Variants in B3GAT2 observed in about 807,000 individuals in gnomAD.
B3GAT2 encodes beta-1,3-glucuronyltransferase 2.
A neutral mutation model predicts 27.8 loss-of-function variants in B3GAT2; 26 were observed. The observed-to-expected ratio is 0.93, with a 90% CI of 0.68 to 1.30. B3GAT2 has a LOEUF of 1.30. Among genes scored for constraint, B3GAT2 ranks in the 50% most tolerant of loss-of-function variants. The probability of loss-of-function intolerance (pLI) is 0.00; values close to 1 mark genes in which losing one functional copy is unlikely to be tolerated. For missense variants in B3GAT2, 458 were observed against 459.0 expected (o/e 1.00, Z 0.02); for synonymous variants, 218 against 195.1 (o/e 1.12, Z -0.98).
intron 1 of B3GAT2, among the ~76,000 whole-genome samples, chr6:70,901,234 G>A (rs1193791835): frequency 2.6e-5 from 4 of 152,122 alleles, no homozygotes; most frequent in Non-Finnish European, 5.9e-5. Flanking sequence ...CATCCATCTT[G>A]GCTAGATGAT....
chr6:70,949,403 C>T (rs963097261), intron 1 of B3GAT2, among the ~76,000 whole-genome samples: 8 of 152,292 alleles, frequency 5.3e-5, no homozygotes, highest in African/African-American at 1.9e-4. Context: ...AGGACATGAA[C>T]AGACACTTCT....
intron 1 of B3GAT2, among the ~76,000 whole-genome samples, chr6:70,909,890 T>C (rs915464457): frequency 1.3e-5 from 2 of 152,180 alleles, no homozygotes; most frequent in African/African-American, 4.8e-5. Context: ...TCTTTTGTTT[T>C]TGAGACGGAG....
intron 1 of B3GAT2, among the ~76,000 whole-genome samples, chr6:70,937,804 T>A (rs946014754): frequency 6.6e-6 from 1 of 152,138 alleles, no homozygotes; most frequent in Non-Finnish European, 1.5e-5. Context: ...TCATACTGAA[T>A]GGGCAAAAAC....
chr6:70,870,546 A>C (rs1308548055), intron 2 of B3GAT2, among the ~76,000 whole-genome samples: 3 of 152,000 alleles, frequency 2.0e-5, no homozygotes, highest in Non-Finnish European at 4.4e-5. Context: ...TATAATAATA[A>C]TAAAAAAAAG....
intron 1 of B3GAT2, among the ~76,000 whole-genome samples, chr6:70,904,537 C>A (rs1273592954): frequency 6.6e-6 from 1 of 152,136 alleles, no homozygotes; most frequent in Admixed American, 6.5e-5. Flanking sequence ...TCAGGTCTGA[C>A]ACACGTCCAG....
chr6:70,891,748 TTG>T (rs147352529), intron 2 of B3GAT2, among the ~76,000 whole-genome samples: 30,513 of 144,164 alleles, frequency 0.21, 3,228 homozygotes, highest in Non-Finnish European at 0.24. Context: ...AGAGCTCAGA[TTG>T]TGTGTGTGTG....
intron 1 of B3GAT2, among the ~76,000 whole-genome samples, chr6:70,910,110 T>C (rs1177329814): frequency 6.6e-6 from 1 of 152,136 alleles, no homozygotes; most frequent in South Asian, 2.1e-4. Context: ...CCTGACCTCC[T>C]GATCCACCCG....
chr6:70,942,140 A>T (rs1765402749), intron 1 of B3GAT2, among the ~76,000 whole-genome samples: 1 of 152,208 alleles, frequency 6.6e-6, no homozygotes, highest in African/African-American at 2.4e-5. Context: ...AATAAAAAGG[A>T]AAGCCTGCTC....
At chr6:70,930,490 T>G (rs1773042753) in intron 1 of B3GAT2, among the ~76,000 whole-genome samples, 2 of 151,934 alleles carry the variant, frequency 1.3e-5, no homozygotes, top group Non-Finnish European at 2.9e-5. Context: ...TTAAACAAAT[T>G]TACAAGAAAA....
chr6:70,898,314 T>C (rs1772428251), intron 1 of B3GAT2, among the ~76,000 whole-genome samples: 2 of 152,178 alleles, frequency 1.3e-5, no homozygotes, highest in Admixed American at 6.5e-5. Flanking sequence ...CATTTAATGC[T>C]TTTGTATCCT....
chr6:70,941,415 T>C (rs1457816634), intron 1 of B3GAT2, among the ~76,000 whole-genome samples: 1 of 152,186 alleles, frequency 6.6e-6, no homozygotes, highest in East Asian at 1.9e-4. Context: ...GCAGTGAAGC[T>C]GGATTTGAAC....
chr6:70,945,688 C>T (rs1393924668), intron 1 of B3GAT2, among the ~76,000 whole-genome samples: 1 of 146,938 alleles, frequency 6.8e-6, no homozygotes, highest in Non-Finnish European at 1.5e-5. Flanking sequence ...TCTAGTATGG[C>T]AGGCCAACAT....
chr6:70,886,644 T>A (rs1029833951), intron 2 of B3GAT2, among the ~76,000 whole-genome samples: 1 of 152,030 alleles, frequency 6.6e-6, no homozygotes, highest in African/African-American at 2.4e-5. Flanking sequence ...CACTACCAGC[T>A]GCTCCAGAGC....
chr6:70,935,926 C>T (rs1488005306), intron 1 of B3GAT2, among the ~76,000 whole-genome samples: 3 of 149,604 alleles, frequency 2.0e-5, no homozygotes, highest in East Asian at 4.0e-4. Flanking sequence ...TGTAAATGGA[C>T]TAAATGCTCC....
At chr6:70,917,425 G>A (rs1772792355) in intron 1 of B3GAT2, among the ~76,000 whole-genome samples, 1 of 151,478 alleles carries the variant, frequency 6.6e-6, no homozygotes, top group African/African-American at 2.4e-5. Context: ...TTTATTTCTT[G>A]TCTTCTGCTA....
chr6:70,946,802 C>G (rs1328338589), intron 1 of B3GAT2, among the ~76,000 whole-genome samples: 5 of 151,326 alleles, frequency 3.3e-5, no homozygotes, highest in Non-Finnish European at 7.4e-5. Flanking sequence ...CACACCACAC[C>G]TATTCCAAAA....
At chr6:70,864,413 C>T (rs1771816853) in intron 2 of B3GAT2, among the ~76,000 whole-genome samples, 2 of 152,176 alleles carry the variant, frequency 1.3e-5, no homozygotes, top group Non-Finnish European at 2.9e-5. Context: ...AGTTGTGAAG[C>T]TATACATCAT....
At chr6:70,932,553 T>C (rs754117150) in intron 1 of B3GAT2, among the ~76,000 whole-genome samples, 2 of 152,136 alleles carry the variant, frequency 1.3e-5, no homozygotes, top group Non-Finnish European at 2.9e-5. Flanking sequence ...AGTATAAATA[T>C]GGTATGATTC....
intron 2 of B3GAT2, among the ~76,000 whole-genome samples, chr6:70,862,644 T>A (rs540316972): frequency 6.6e-6 from 1 of 152,252 alleles, no homozygotes; most frequent in South Asian, 2.1e-4. Context: ...CAAAAATAAG[T>A]GTAAATTTTC....
Sources: allele counts gnomAD v4.1 joint callset (sites outside exome capture counted in the v4.1 genomes callset), GRCh38; gene constraint gnomAD v4.1.1; transcripts MANE v1.5; gene names NCBI Gene and HGNC (gene_info 2026-07-23, HGNC 2026-07-21).